CEP128: variants seen among roughly 807,000 people sequenced by gnomAD.
The protein encoded by CEP128 is centrosomal protein 128.
Under a neutral mutation model 156.7 loss-of-function variants are expected in CEP128, and 132 were observed. The ratio of observed to expected loss-of-function variants is 0.84; its 90% CI spans 0.73 to 0.97. CEP128 has a LOEUF of 0.97. Among genes scored for constraint, CEP128 ranks in the 50% least tolerant of loss-of-function variants. The pLI is 0.00. For synonymous variants in CEP128, 469 were observed against 448.9 expected, an observed-to-expected ratio of 1.04 and a Z score of -0.57; for missense variants, 1,252 against 1,281.9, an observed-to-expected ratio of 0.98 and a Z score of 0.36.
At chr14:80,632,749 G>T (rs562458627) in intron 19 of CEP128, among the ~76,000 whole-genome samples, 1 of 151,922 alleles carries the variant, frequency 6.6e-6, no homozygotes, top group African/African-American at 2.4e-5. Flanking sequence ...CTCCTAGTTC[G>T]GGTGTGTAAG....
At chr14:80,795,167 T>C (rs1883391365) in intron 13 of CEP128, among the ~76,000 whole-genome samples, 1 of 152,178 alleles carries the variant, frequency 6.6e-6, no homozygotes, top group African/African-American at 2.4e-5. Context: ...TTCCAGATTC[T>C]CAGATGACCC....
At position 80,785,072 on chromosome 14, in the gene CEP128, T is replaced by G; in HGVS notation, c.2034A>C (p.Glu678Asp). 6.2e-7 allele frequency: 1 copy of G among 1,614,192 alleles called. No homozygotes were observed. Among genetic ancestry groups the G allele is most frequent in the Non-Finnish European group, 8.5e-7 (1 of 1,180,016 alleles). Residue 678 changes from glutamate (E) to aspartate (D), a missense_variant, in exon 15 of 25, where the codon GAA becomes GAC. Transcript: ENST00000555265. ...LTAQAKSRDE[E>D]TATIITQLKL... Reference sequence around the variant, plus strand: ...TTAACTGTGTGATGATTGTAGCTGTTTCTTCATCCCTGGATTTTGCCTGTG... The same window carrying G: ...TTAACTGTGTGATGATTGTAGCTGTGTCTTCATCCCTGGATTTTGCCTGTG...
At chr14:80,777,446 T>C (rs896363641) in intron 16 of CEP128, among the ~76,000 whole-genome samples, 1 of 152,096 alleles carries the variant, frequency 6.6e-6, no homozygotes, top group Non-Finnish European at 1.5e-5. Flanking sequence ...CCAAGAGAAA[T>C]AAATTTCTGT....
At chr14:80,729,058 GGTGTGTGTGTGTGTGTGTGTGT>G (rs559470308) in intron 19 of CEP128, among the ~76,000 whole-genome samples, 15 of 105,056 alleles carry the variant, frequency 1.4e-4, no homozygotes, top group African/African-American at 5.0e-4. Flanking sequence ...GGCTGGTGGG[GGTGTGTGTGTGTGTGTGTGTGT>G]GTGTGTGTGT....
chr14:80,689,960 T>C (rs1191704394), intron 19 of CEP128, among the ~76,000 whole-genome samples: 3 of 152,060 alleles, frequency 2.0e-5, no homozygotes, highest in African/African-American at 7.2e-5. Context: ...ACTACCACAG[T>C]AAATAAGTAG....
chr14:80,728,178 G>T (rs1489300593), intron 19 of CEP128, among the ~76,000 whole-genome samples: 2 of 152,158 alleles, frequency 1.3e-5, no homozygotes, highest in African/African-American at 4.8e-5. Context: ...GCCATAAGAA[G>T]GAATGAAATC....
intron 16 of CEP128, among the ~76,000 whole-genome samples, chr14:80,766,270 C>T (rs1237690051): frequency 6.6e-6 from 1 of 152,126 alleles, no homozygotes; most frequent in Admixed American, 6.5e-5. Flanking sequence ...ACAAGAAAGG[C>T]TCATATTGTT....
At chr14:80,900,245 G>C (rs1024184028) in intron 6 of CEP128, among the ~76,000 whole-genome samples, 2 of 152,108 alleles carry the variant, frequency 1.3e-5, no homozygotes, top group African/African-American at 4.8e-5. Flanking sequence ...ATTTTCTACA[G>C]TACAATTCTA....
At chr14:80,504,325 C>T (rs1887871340) in intron 24 of CEP128, among the ~76,000 whole-genome samples, 1 of 152,170 alleles carries the variant, frequency 6.6e-6, no homozygotes, top group South Asian at 2.1e-4. Context: ...AGAGACTACA[C>T]TTCAAACTGT....
At chr14:80,729,089 G>C (rs887824572) in intron 19 of CEP128, among the ~76,000 whole-genome samples, 8 of 69,120 alleles carry the variant, frequency 1.2e-4, no homozygotes, top group African/African-American at 2.6e-4. Flanking sequence ...GTGTGTGTGT[G>C]TGTGTGTGTG....
At chr14:80,535,587 A>G (rs1316862577) in intron 21 of CEP128, among the ~76,000 whole-genome samples, 1 of 151,470 alleles carries the variant, frequency 6.6e-6, no homozygotes, top group Non-Finnish European at 1.5e-5. Flanking sequence ...ACTTGTGTGC[A>G]CACACGCGCA....
At chr14:80,878,719 A>G (rs1888395550) in intron 8 of CEP128, among the ~76,000 whole-genome samples, 1 of 152,168 alleles carries the variant, frequency 6.6e-6, no homozygotes, top group African/African-American at 2.4e-5. Context: ...GGCCTGAGCT[A>G]CCAGGTTGTC....
intron 20 of CEP128, among the ~76,000 whole-genome samples, chr14:80,579,629 T>C (rs1199885692): frequency 3.3e-5 from 5 of 152,176 alleles, no homozygotes; most frequent in African/African-American, 1.2e-4. Context: ...AGTCTTGCCT[T>C]GTAGCTCCAG....
At chr14:80,814,494 T>C (rs896888438) in intron 13 of CEP128, among the ~76,000 whole-genome samples, 1 of 144,472 alleles carries the variant, frequency 6.9e-6, no homozygotes, top group Non-Finnish European at 1.5e-5. Context: ...AAAAAAAAAA[T>C]TATTGGTAAA....
rs1883797885 is a variant in CEP128, at chr14:80,904,925, T to A, written c.368A>T (p.His123Leu). Reference protein sequence around the residue: ...DLDGGTGSELHHFPPTSPLKD... With the variant: ...DLDGGTGSELLHFPPTSPLKD... ...GAGAGGTGAGGTAGGTGGAAAATGATGGAGCTCTTCACAAGTGAAAGAAAA... is the reference window on the plus strand; with the variant it reads ...GAGAGGTGAGGTAGGTGGAAAATGAAGGAGCTCTTCACAAGTGAAAGAAAA... Residue 123 changes from histidine (H) to leucine (L), a missense_variant, in exon 6 of 25, where the codon CAT (histidine) becomes CTT (leucine). Physicochemically the swap from His to Leu is moderately conservative, Grantham distance 99 (BLOSUM62 -3). Transcript: ENST00000555265. 1 of 1,564,316 alleles carries A rather than the reference T, an allele frequency of 6.4e-7. No homozygotes were observed.
At chr14:80,864,465 A>G (rs1887671945) in intron 8 of CEP128, among the ~76,000 whole-genome samples, 1 of 152,224 alleles carries the variant, frequency 6.6e-6, no homozygotes, top group South Asian at 2.1e-4. Flanking sequence ...ACATACTGAA[A>G]TCAATATCCA....
At chr14:80,845,019 T>C (rs1340405741) in intron 9 of CEP128, among the ~76,000 whole-genome samples, 1 of 152,110 alleles carries the variant, frequency 6.6e-6, no homozygotes, top group Non-Finnish European at 1.5e-5. Context: ...ATCTTTACCC[T>C]AAACCTAGCC....
rs1476699361 is a variant in CEP128, at chr14:80,838,342, G to C, written c.850-64C>G. 6 of 1,176,930 alleles carry C rather than the reference G, an allele frequency of 5.1e-6. No individual in the cohort carries two copies. The South Asian group carries it at 6.4e-5, about 13-fold the overall frequency. 72.9% of individuals were successfully genotyped at this position (1,176,930 alleles called of 1,614,324 possible). ...GAGCAGAAGATAACTAAATTATTATGGGCACAGTTTAAAAGGAGAAAAGTG... is the reference window on the plus strand; with the variant it reads ...GAGCAGAAGATAACTAAATTATTATCGGCACAGTTTAAAAGGAGAAAAGTG... On this transcript the variant is annotated intron_variant, in intron 10 of 24. Transcript: ENST00000555265.
intron 19 of CEP128, among the ~76,000 whole-genome samples, chr14:80,581,725 A>G (rs1038133954): frequency 6.6e-6 from 1 of 152,142 alleles, no homozygotes; most frequent in African/African-American, 2.4e-5. Flanking sequence ...TTTGGGGTGT[A>G]TTTTTAAAGG....
Sources: allele counts gnomAD v4.1 joint callset (sites outside exome capture counted in the v4.1 genomes callset), GRCh38; gene constraint gnomAD v4.1.1; transcripts MANE v1.5; gene names NCBI Gene and HGNC (gene_info 2026-07-23, HGNC 2026-07-21).